ZNF407: variants seen among roughly 807,000 people sequenced by gnomAD.
ZNF407 encodes zinc finger protein 407.
Under a neutral mutation model 131.2 loss-of-function variants are expected in ZNF407, and 17 were observed. That is an observed-to-expected ratio of 0.13 (90% CI 0.09 to 0.19). The LOEUF (loss-of-function observed/expected upper bound fraction) is 0.19. Among genes scored for constraint, ZNF407 ranks in the 10% least tolerant of loss-of-function variants. ZNF407 has a pLI of 1.00. For missense variants in ZNF407, 2,681 were observed against 2,830.6 expected (o/e 0.95, Z 1.20); for synonymous variants, 1,156 against 1,062.0 (o/e 1.09, Z -1.72).
chr18:74,706,619 A>G (rs562240972), intron 3 of ZNF407, among the ~76,000 whole-genome samples: 1 of 152,314 alleles, frequency 6.6e-6, no homozygotes, highest in East Asian at 1.9e-4. Flanking sequence ...GGTGTCAGAA[A>G]ATGAGCAGCA....
chr18:74,623,343 A>G (rs1360712841), intron 1 of ZNF407, among the ~76,000 whole-genome samples: 1 of 150,176 alleles, frequency 6.7e-6, no homozygotes, highest in Non-Finnish European at 1.5e-5. Context: ...TGCATGTGTG[A>G]GTGTGAGTGC....
intron 4 of ZNF407, among the ~76,000 whole-genome samples, chr18:74,824,281 A>C (rs1248809234): frequency 6.6e-6 from 1 of 152,240 alleles, no homozygotes; most frequent in East Asian, 1.9e-4. Context: ...AATTCCACAC[A>C]CTAACATCAA....
Position 75,064,758 on chromosome 18 carries a change from G to A in ZNF407, c.*290G>A, listed in dbSNP as rs1437139460. ...GGGGCCCTTCGATCAGTGGCCTCCC[G>A]CTTCGTCCTGGCCGCTGTGCTGAAG... On this transcript the variant is annotated 3_prime_UTR_variant, in exon 9 of 9. Transcript: ENST00000299687. 5.9e-5 allele frequency: 20 copies of A among 338,860 alleles called. No homozygotes were observed. The East Asian group carries it at 6.8e-4, about 12-fold the overall frequency. 21.0% of individuals were successfully genotyped at this position (338,860 alleles called of 1,614,324 possible). A position where few individuals can be genotyped will look rare whatever the true frequency, so the allele number is the denominator to read the frequency against.
At chr18:74,953,610 G>A (rs148536855) in intron 8 of ZNF407, among the ~76,000 whole-genome samples, 172 of 152,218 alleles carry the variant, frequency 1.1e-3, no homozygotes, top group African/African-American at 3.8e-3. Context: ...ACTCCGTAAC[G>A]CTAGGCTTCG....
intron 8 of ZNF407, among the ~76,000 whole-genome samples, chr18:75,056,134 C>A (rs527442213): frequency 1.3e-5 from 2 of 152,310 alleles, no homozygotes; most frequent in Non-Finnish European, 2.9e-5. Context: ...ATATGTCTAA[C>A]TTGTCCTTAG....
At chr18:75,051,203 A>G (rs559068835) in intron 8 of ZNF407, among the ~76,000 whole-genome samples, 3 of 152,194 alleles carry the variant, frequency 2.0e-5, no homozygotes, top group Non-Finnish European at 4.4e-5. Flanking sequence ...TTAAATAAAT[A>G]TATAATTAAG....
chr18:74,651,173 T>C (rs1045908479), intron 3 of ZNF407, among the ~76,000 whole-genome samples: 1 of 152,146 alleles, frequency 6.6e-6, no homozygotes, highest in Admixed American at 6.5e-5. Context: ...AAAAATACCC[T>C]GTTTGGAAAA....
chr18:74,714,125 A>C (rs1042342678), intron 3 of ZNF407, among the ~76,000 whole-genome samples: 18 of 152,236 alleles, frequency 1.2e-4, no homozygotes, highest in Non-Finnish European at 2.5e-4. Context: ...TTAAAAATGA[A>C]TTTGAATCGC....
chr18:75,044,784 A>G (rs1342245343), intron 8 of ZNF407, among the ~76,000 whole-genome samples: 1 of 152,172 alleles, frequency 6.6e-6, no homozygotes, highest in Non-Finnish European at 1.5e-5. Flanking sequence ...AACTATTCAC[A>G]TTATTTTTAT....
At chr18:74,689,271 A>G (rs1251708155) in intron 3 of ZNF407, among the ~76,000 whole-genome samples, 1 of 152,206 alleles carries the variant, frequency 6.6e-6, no homozygotes, top group Non-Finnish European at 1.5e-5. Context: ...TGCTTTAATA[A>G]AGTTCATTTC....
intron 7 of ZNF407, among the ~76,000 whole-genome samples, chr18:74,904,521 A>G (rs1393929438): frequency 1.3e-5 from 2 of 152,210 alleles, no homozygotes; most frequent in Non-Finnish European, 2.9e-5. Context: ...GCACAAACTC[A>G]AAGTCAGTGG....
intron 3 of ZNF407, among the ~76,000 whole-genome samples, chr18:74,702,085 T>C (rs1967510642): frequency 6.6e-6 from 1 of 152,200 alleles, no homozygotes; most frequent in South Asian, 2.1e-4. Flanking sequence ...TTGAATGCTC[T>C]TCTAATGAGG....
At chr18:74,785,948 CATG>C (rs1421748634) in intron 4 of ZNF407, among the ~76,000 whole-genome samples, 8 of 152,182 alleles carry the variant, frequency 5.3e-5, no homozygotes, top group Non-Finnish European at 8.8e-5. Flanking sequence ...ACATGGCACA[CATG>C]ATGTGTGCAG....
intron 3 of ZNF407, among the ~76,000 whole-genome samples, chr18:74,667,321 A>G (rs8092032): frequency 0.62 from 93,644 of 152,112 alleles, 30,465 homozygotes; most frequent in East Asian, 0.82. Context: ...TGTGTGTTAC[A>G]GTAGGTCTAA....
At chr18:74,958,258 C>T (rs1051967310) in intron 8 of ZNF407, among the ~76,000 whole-genome samples, 3 of 152,188 alleles carry the variant, frequency 2.0e-5, no homozygotes, top group African/African-American at 7.2e-5. Context: ...TCGTTGTCAT[C>T]ATTTACTGAG....
intron 1 of ZNF407, among the ~76,000 whole-genome samples, chr18:74,624,620 C>A (rs1319497054): frequency 2.0e-5 from 3 of 152,198 alleles, no homozygotes; most frequent in Non-Finnish European, 4.4e-5. Context: ...CCTACTGGCA[C>A]CAATGAATAA....
rs1212151476 is a variant in ZNF407, at chr18:74,778,842, G to A, written c.4803-2586G>A. Among the ~76,000 whole-genome samples the A allele has an allele frequency of 2.0e-5, 3 of 152,052 alleles. No individual in the cohort carries two copies. The East Asian group carries it at 5.8e-4, about 29-fold the overall frequency. ...TAAACGTGATGAGACAGGGACTGAA[G>A]GTATGAAAGAATGAGGATTTATTGG... On this transcript the variant is annotated intron_variant, in intron 3 of 8. Transcript: ENST00000299687.
chr18:74,961,491 G>A (rs775058860), intron 8 of ZNF407, among the ~76,000 whole-genome samples: 21 of 152,118 alleles, frequency 1.4e-4, no homozygotes, highest in Non-Finnish European at 2.2e-4. Context: ...GGCCAAGGCC[G>A]GGGGATCACT....
At chr18:74,788,147 C>G (rs1024700296) in intron 4 of ZNF407, among the ~76,000 whole-genome samples, 1 of 152,136 alleles carries the variant, frequency 6.6e-6, no homozygotes, top group African/African-American at 2.4e-5. Flanking sequence ...ACTGTTATTT[C>G]CAGTTTTATT....
Sources: allele counts gnomAD v4.1 joint callset (sites outside exome capture counted in the v4.1 genomes callset), GRCh38; gene constraint gnomAD v4.1.1; transcripts MANE v1.5; gene names NCBI Gene and HGNC (gene_info 2026-07-23, HGNC 2026-07-21).